COL19A1: variants seen among roughly 807,000 people sequenced by gnomAD.
COL19A1 encodes the protein collagen alpha-1(XIX) chain.
In COL19A1, 159 loss-of-function variants were observed where a neutral mutation model predicts 190.2. That is an observed-to-expected ratio of 0.84 (90% CI 0.73 to 0.95). COL19A1 has a LOEUF of 0.95. Ranked by LOEUF, COL19A1 falls within the 40% of genes least tolerant of loss-of-function variation. The probability of loss-of-function intolerance (pLI) is 0.00; values close to 1 mark genes in which losing one functional copy is unlikely to be tolerated. For missense variants in COL19A1, 1,418 were observed against 1,431.9 expected (o/e 0.99, Z 0.16); for synonymous variants, 509 against 458.9 (o/e 1.11, Z -1.39).
At chr6:69,898,189 A>G (rs368765178) in intron 2 of COL19A1, among the ~76,000 whole-genome samples, 84 of 152,324 alleles carry the variant, frequency 5.5e-4, no homozygotes, top group African/African-American at 1.9e-3. Context: ...TAATGGTCTT[A>G]ACTGTCCAGT....
At chr6:69,894,193 C>T (rs568521515) in intron 2 of COL19A1, among the ~76,000 whole-genome samples, 7 of 152,258 alleles carry the variant, frequency 4.6e-5, no homozygotes, top group African/African-American at 1.7e-4. Flanking sequence ...CTCTTTTCAT[C>T]GACAGTAGTT....
intron 27 of COL19A1, among the ~76,000 whole-genome samples, chr6:70,148,580 A>G (rs370375016): frequency 6.6e-6 from 1 of 152,186 alleles, no homozygotes; most frequent in East Asian, 1.9e-4. Context: ...CCAGGGCAAG[A>G]ATGTAAAAGA....
chr6:70,105,249 C>T (rs925684730), intron 16 of COL19A1, among the ~76,000 whole-genome samples: 1 of 152,054 alleles, frequency 6.6e-6, no homozygotes, highest in Non-Finnish European at 1.5e-5. Flanking sequence ...CCTCTGCCTC[C>T]CAGATTCAAG....
chr6:69,934,022 A>G (rs1772950325), intron 7 of COL19A1, among the ~76,000 whole-genome samples: 1 of 152,064 alleles, frequency 6.6e-6, no homozygotes, highest in Admixed American at 6.6e-5. Flanking sequence ...ATTATATGAA[A>G]ATTTTATCAA....
chr6:69,966,219 G>A (rs564537035), intron 11 of COL19A1, among the ~76,000 whole-genome samples: 9 of 152,040 alleles, frequency 5.9e-5, no homozygotes, highest in African/African-American at 1.9e-4. Flanking sequence ...CGGCCGCCCC[G>A]TCTGGGAAGT....
At chr6:70,069,132 G>A (rs1781412346) in intron 15 of COL19A1, among the ~76,000 whole-genome samples, 1 of 151,982 alleles carries the variant, frequency 6.6e-6, no homozygotes, top group African/African-American at 2.4e-5. Flanking sequence ...AATCTTGTGT[G>A]TTCTTTCTCA....
intron 9 of COL19A1, among the ~76,000 whole-genome samples, chr6:69,943,798 C>G (rs945723430): frequency 6.6e-6 from 1 of 152,114 alleles, no homozygotes; most frequent in Non-Finnish European, 1.5e-5. Context: ...CTTTGAGCAT[C>G]CTTACTTTAA....
chr6:70,207,170 G>A lies in COL19A1; in HGVS notation c.3325G>A (p.Gly1109Ser). 1 of 1,613,680 alleles carries A rather than the reference G, an allele frequency of 6.2e-7. No individual in the cohort carries two copies. Among genetic ancestry groups the A allele is most frequent in the Non-Finnish European group, 8.5e-7 (1 of 1,179,854 alleles). The change falls in exon 51 of 51, where the codon GGT becomes AGT. Residue 1109 changes from glycine (G) to serine (S), a missense_variant. Transcript: ENST00000620364. ...AGCTCTGGGTTTGCCAGGCTCACCA[G>A]GTGCCCCAGGCCCACAGGGCCCCCC... is the stretch of plus-strand genomic sequence containing the variant. ...TSALGLPGSP[G>S]APGPQGPPGP...
chr6:69,948,284 A>G (rs1033375814), intron 9 of COL19A1, among the ~76,000 whole-genome samples: 2 of 151,874 alleles, frequency 1.3e-5, no homozygotes, highest in African/African-American at 4.8e-5. Context: ...GTAACGTGAG[A>G]CTTACGTACA....
At chr6:69,918,909 C>A (rs1169168606) in intron 4 of COL19A1, among the ~76,000 whole-genome samples, 2 of 152,082 alleles carry the variant, frequency 1.3e-5, no homozygotes, top group Non-Finnish European at 2.9e-5. Context: ...ATAAAACGTT[C>A]AATTTCAGTT....
rs371363194 is a variant in COL19A1 at position 70,034,221 on chromosome 6, G to A, written c.1081-24G>A. On this transcript the variant is annotated intron_variant, in intron 12 of 50. Transcript: ENST00000620364. ...GAAATTAAAGCTTTCTGTGAACTGT[G>A]TATTGGTTATATTCTTTCTACAGGG... 4.8e-5 allele frequency: 75 copies of A among 1,557,758 alleles called. 1 individual carries two copies. In the South Asian group the frequency reaches 5.0e-4, roughly 10 times the overall value.
chr6:70,049,641 A>C (rs1237895474), intron 14 of COL19A1, among the ~76,000 whole-genome samples: 1 of 152,060 alleles, frequency 6.6e-6, no homozygotes, highest in Non-Finnish European at 1.5e-5. Context: ...TATGCATTTT[A>C]AACCTCAATC....
intron 4 of COL19A1, among the ~76,000 whole-genome samples, chr6:69,903,962 T>A (rs182787905): frequency 6.6e-6 from 1 of 152,300 alleles, no homozygotes; most frequent in East Asian, 1.9e-4. Flanking sequence ...GCTATGTATA[T>A]AGCCCCGCAG....
chr6:69,926,080 C>G (rs1467118647), intron 4 of COL19A1, among the ~76,000 whole-genome samples: 1 of 152,116 alleles, frequency 6.6e-6, no homozygotes, highest in African/African-American at 2.4e-5. Flanking sequence ...CCCTTTATTT[C>G]TTTCTCCTGC....
intron 12 of COL19A1, among the ~76,000 whole-genome samples, chr6:70,028,640 A>G (rs1778856354): frequency 6.6e-6 from 1 of 152,174 alleles, no homozygotes; most frequent in African/African-American, 2.4e-5. Context: ...GGGTTGGAGG[A>G]AAAACAAGAG....
chr6:70,183,210 A>C (rs1013908818), intron 44 of COL19A1, among the ~76,000 whole-genome samples: 2 of 152,192 alleles, frequency 1.3e-5, no homozygotes, highest in African/African-American at 4.8e-5. Context: ...GGAACAAGCG[A>C]GCAAAGATAC....
chr6:70,207,126 A>T (rs773913145), intron 50 of COL19A1, 21 bp from the exon 51 acceptor site: 5 of 1,564,540 alleles, frequency 3.2e-6, no homozygotes, highest in Non-Finnish European at 4.4e-6. Context: ...CTGCATTGTA[A>T]TTTTTTTTTT....
Position 69,947,659 on chromosome 6 carries a change from C to G in COL19A1, c.936+9559C>G, listed in dbSNP as rs561706464. Among the ~76,000 whole-genome samples the G allele has an allele frequency of 1.2e-4, 18 of 151,818 alleles. No homozygotes were observed. The East Asian group carries it at 3.3e-3, about 28-fold the overall frequency. ...GTGTCATTATCTAGAAGGCCATGAC[C>G]ATTGTGGTTTTATTCACCTAAAGTT... is the stretch of plus-strand genomic sequence containing the variant. On this transcript the variant is annotated intron_variant, in intron 9 of 50. Transcript: ENST00000620364.
chr6:69,874,492 C>CT (rs1456686660), intron 1 of COL19A1, among the ~76,000 whole-genome samples: 3 of 152,310 alleles, frequency 2.0e-5, no homozygotes, highest in Admixed American at 6.5e-5. Flanking sequence ...TGGCTCACAC[C>CT]TGTAATCCCA....
Sources: allele counts gnomAD v4.1 joint callset (sites outside exome capture counted in the v4.1 genomes callset), GRCh38; gene constraint gnomAD v4.1.1; transcripts MANE v1.5; gene names NCBI Gene and HGNC (gene_info 2026-07-23, HGNC 2026-07-21).